RUNX3: variants seen among roughly 807,000 people sequenced by gnomAD.
The protein encoded by RUNX3 is runt-related transcription factor 3.
Under a neutral mutation model 27.7 loss-of-function variants are expected in RUNX3, and 10 were observed. The ratio of observed to expected loss-of-function variants is 0.36; its 90% CI spans 0.22 to 0.61. RUNX3 has a LOEUF of 0.61. Ranked by LOEUF, RUNX3 falls within the 20% of genes least tolerant of loss-of-function variation. The pLI, the probability that RUNX3 is intolerant of heterozygous loss-of-function variation, is 0.72. For missense variants in RUNX3, 469 were observed against 629.5 expected (o/e 0.75, Z 2.73); for synonymous variants, 270 against 269.2 (o/e 1.00, Z -0.03).
chr1:24,951,077 G>A (rs912064791), intron 2 of RUNX3, among the ~76,000 whole-genome samples: 12 of 151,912 alleles, frequency 7.9e-5, no homozygotes, highest in Non-Finnish European at 1.5e-4. Context: ...GTGGTGGTGC[G>A]TGCCTGTAAT....
At position 24,907,435 on chromosome 1, in the gene RUNX3, C is replaced by T. The variant is rs1312384980; in HGVS notation, c.545-18G>A. Reference sequence around the variant, plus strand: ...CCGGTGCCCTGCAGAGCACAGGAAGCCCATCAGCCGTTGCTTCCCCAGAGT... The same window carrying T: ...CCGGTGCCCTGCAGAGCACAGGAAGTCCATCAGCCGTTGCTTCCCCAGAGT... On this transcript the variant is annotated intron_variant, in intron 3 of 4. Transcript: ENST00000308873. 2 of 1,602,496 alleles carry T rather than the reference C, an allele frequency of 1.2e-6. No homozygotes were observed. The highest frequency in any genetic ancestry group is 1.7e-6 in the Non-Finnish European group (2 of 1,172,486).
At chr1:24,954,594 C>A (rs1435595489) in intron 2 of RUNX3, among the ~76,000 whole-genome samples, 1 of 152,214 alleles carries the variant, frequency 6.6e-6, no homozygotes, top group African/African-American at 2.4e-5. Context: ...TCATTTTGCA[C>A]TGTGCCCTGA....
At chr1:24,940,547 T>A (rs1641452002) in intron 2 of RUNX3, among the ~76,000 whole-genome samples, 1 of 152,066 alleles carries the variant, frequency 6.6e-6, no homozygotes, top group Non-Finnish European at 1.5e-5. Flanking sequence ...CTCTTATAAA[T>A]AGAAAATGAC....
At chr1:24,951,204 C>CA (rs542137531) in intron 2 of RUNX3, among the ~76,000 whole-genome samples, 6,139 of 96,340 alleles carry the variant, frequency 0.064, 333 homozygotes, top group African/African-American at 0.097. Context: ...GACTCCATCT[C>CA]AAAAAAAAAA....
intron 2 of RUNX3, among the ~76,000 whole-genome samples, chr1:24,919,834 T>G (rs944752771): frequency 7.9e-5 from 12 of 151,988 alleles, no homozygotes; most frequent in African/African-American, 2.9e-4. Context: ...TTGTATGGGT[T>G]TGTATATTTA....
In RUNX3 at chr1:24,943,932, T is replaced by G. The variant is rs1339616821; in HGVS notation, c.59-14080A>C. Among the ~76,000 whole-genome samples the G allele has an allele frequency of 6.6e-6, 1 of 152,192 alleles. No individual in the cohort carries two copies. The highest frequency in any genetic ancestry group is 1.5e-5 in the Non-Finnish European group (1 of 68,034). On this transcript the variant is annotated intron_variant, in intron 2 of 6. Coordinates refer to the RUNX3 transcript ENST00000338888. The surrounding 1 kb of genome is among the most constrained non-coding windows in gnomAD (Gnocchi z 4.6). ...GCAGTACTCTAAGAAGAGTTTGGCCTTTGATGTTAGGGAAGATCACCAGTT... is the reference window on the plus strand; with the variant it reads ...GCAGTACTCTAAGAAGAGTTTGGCCGTTGATGTTAGGGAAGATCACCAGTT...
At chr1:24,915,213 C>T (rs753713365) in intron 3 of RUNX3, among the ~76,000 whole-genome samples, 185 of 152,236 alleles carry the variant, frequency 1.2e-3, no homozygotes, top group Non-Finnish European at 1.2e-3. Context: ...CACTTGAGGT[C>T]GGGAGTTCAA....
intron 2 of RUNX3, among the ~76,000 whole-genome samples, chr1:24,960,764 G>A (rs1301732141): frequency 6.6e-6 from 1 of 152,192 alleles, no homozygotes; most frequent in Admixed American, 6.5e-5. Context: ...TGGGCAAGGG[G>A]TCCTCAGGGC....
At chr1:24,957,232 T>G (rs2124379639) in intron 2 of RUNX3, among the ~76,000 whole-genome samples, 1 of 152,296 alleles carries the variant, frequency 6.6e-6, no homozygotes, top group African/African-American at 2.4e-5. Context: ...GTGCTCAGGC[T>G]CGCGCCAACA....
At chr1:24,910,402 G>A (rs999161877) in intron 3 of RUNX3, among the ~76,000 whole-genome samples, 1 of 152,000 alleles carries the variant, frequency 6.6e-6, no homozygotes, top group Non-Finnish European at 1.5e-5. Context: ...GGGAGAAGAG[G>A]CAAGATGTAG....
At chr1:24,908,248 T>TGAACCTCTACGACACGCGGTGATCC (rs1557837401) in intron 3 of RUNX3, among the ~76,000 whole-genome samples, 11 of 125,516 alleles carry the variant, frequency 8.8e-5, no homozygotes, top group Non-Finnish European at 1.5e-4. Flanking sequence ...CGCGGTGATC[T>TGAACCTCTACGACACGCGGTGATCC]GAACCTCTAC....
At chr1:24,924,227 A>T (rs1641055113) in intron 2 of RUNX3, among the ~76,000 whole-genome samples, 1 of 152,204 alleles carries the variant, frequency 6.6e-6, no homozygotes, top group African/African-American at 2.4e-5. Flanking sequence ...ATTTTAAAAA[A>T]TCAGCTGAGC....
At chr1:24,910,668 C>T (rs1418583669) in intron 3 of RUNX3, among the ~76,000 whole-genome samples, 1 of 152,198 alleles carries the variant, frequency 6.6e-6, no homozygotes, top group African/African-American at 2.4e-5. Flanking sequence ...AAGCAGGGGG[C>T]CTGGGAGCCA....
Position 24,929,690 on chromosome 1 carries a change from G to A in RUNX3, c.179C>T (p.Ala60Val), listed in dbSNP as rs1185203811. 4 of 1,579,938 alleles carry A rather than the reference G, an allele frequency of 2.5e-6. No individual in the cohort carries two copies. Among genetic ancestry groups the A allele is most frequent in the Non-Finnish European group, 3.4e-6 (4 of 1,169,912 alleles). The change falls in exon 1 of 5, where the codon GCG becomes GTG. Residue 60 changes from alanine (A) to valine (V), a missense_variant. Ala to Val is a moderately conservative substitution (Grantham distance 64, BLOSUM62 0). Around this residue, in one of 3 missense-constraint regions of RUNX3, gnomAD observed 115 missense variants for 118.0 expected, o/e 0.97. Coordinates refer to ENST00000308873, the MANE Select transcript of RUNX3 (RefSeq NM_004350.3). ...PEVRSMVDVL[A>V]DHAGELVRTD... ...GCGCACGAGCTCGCCTGCGTGGTCCGCCAGCACGTCCACCATCGAGCGCAC... is the reference window on the plus strand; with the variant it reads ...GCGCACGAGCTCGCCTGCGTGGTCCACCAGCACGTCCACCATCGAGCGCAC...
intron 2 of RUNX3, among the ~76,000 whole-genome samples, chr1:24,920,811 G>T (rs752834612): frequency 2.6e-5 from 4 of 152,104 alleles, no homozygotes; most frequent in African/African-American, 9.7e-5. Context: ...ATTTACTTTC[G>T]ACAGTCTTCT....
upstream of RUNX3, chr1:24,965,059 C>CG (rs960321560): frequency 6.1e-6 from 1 of 163,770 alleles, no homozygotes; most frequent in African/African-American, 2.4e-5. This position sits in a 1 kb window ranked among gnomAD's most constrained non-coding sequence, Gnocchi z 5.4. Context: ...CGAGGGCGGC[C>CG]GGGGGTGGGG....
chr1:24,910,050 C>A (rs1358740895), intron 3 of RUNX3, among the ~76,000 whole-genome samples: 1 of 152,148 alleles, frequency 6.6e-6, no homozygotes, highest in Non-Finnish European at 1.5e-5. Context: ...TTTGGGAAGC[C>A]GAGGCGGGCG....
chr1:24,902,994 G>C lies in RUNX3; in HGVS notation c.704-328C>G, dbSNP rs1640593156. ...GCAGAGGAGAGGCCTAGGATGCGGT[G>C]GTGGGGCTGAGGGCAGAGTCAGCTC... On this transcript the variant is annotated intron_variant, in intron 4 of 4. Transcript: ENST00000308873. This position sits in a 1 kb window ranked among gnomAD's most constrained non-coding sequence, Gnocchi z 9.2. Among the ~76,000 whole-genome samples the C allele has an allele frequency of 1.3e-5, 2 of 152,190 alleles. No homozygotes were observed.
chr1:24,951,022 A>G (rs1202152007), intron 2 of RUNX3, among the ~76,000 whole-genome samples: 1 of 152,148 alleles, frequency 6.6e-6, no homozygotes, highest in African/African-American at 2.4e-5. Flanking sequence ...CCTGGATAAC[A>G]TGGGGAAACC....
Sources: gnomAD v4.1 joint callset for allele counts (sites outside exome capture counted in the v4.1 genomes callset) on GRCh38, gnomAD v4.1.1 for gene constraint, gnomAD v4.1.1 regional missense constraint, Gnocchi (gnomAD v3.1) non-coding constraint, MANE v1.5 for transcripts, NCBI Gene and HGNC (gene_info 2026-07-23, HGNC 2026-07-21) for gene names.